Variants in ZFX observed in about 807,000 individuals in gnomAD.
ZFX encodes the protein zinc finger protein X-linked.
For synonymous variants in ZFX, 196 were observed against 226.8 expected, an observed-to-expected ratio of 0.86 and a Z score of 1.22; for missense variants, 362 against 628.3, an observed-to-expected ratio of 0.58 and a Z score of 4.53.
intron 3 of ZFX, among the ~76,000 whole-genome samples, chrX:24,169,475 T>C (rs1187313986): frequency 9.1e-6 from 1 of 110,142 alleles, no homozygotes; most frequent in East Asian, 2.8e-4. Flanking sequence ...CGTGTAGTTT[T>C]AGGGTTTCTA....
chrX:24,174,396 A>T (rs866348225), intron 4 of ZFX, among the ~76,000 whole-genome samples: 85 of 94,542 alleles, frequency 9.0e-4, no homozygotes, highest in African/African-American at 2.9e-3. Context: ...TTAAATTAAA[A>T]TTTTTTTTTT....
In ZFX at chrX:24,207,226, C is replaced by T. The variant is rs181929407; in HGVS notation, c.647-100C>T. The T allele has an allele frequency of 1.9e-3, 1,755 of 912,966 alleles. 27 individuals are homozygous for T. The African/African-American group carries it at 0.034, about 18-fold the overall frequency. 75.2% of individuals were successfully genotyped at this position (912,966 alleles called of 1,213,427 possible). A position where few individuals can be genotyped will look rare whatever the true frequency, so the allele number is the denominator to read the frequency against. On this transcript the variant is annotated intron_variant, in intron 5 of 9. Transcript: ENST00000304543. ...CACTCCAGCCTGGGTGACAGTGAGA[C>T]TCCGTCTCAAAAAAAAAAATTTTTT... is the stretch of plus-strand genomic sequence containing the variant.
At chrX:24,185,598 G>A (rs1168672055) in intron 5 of ZFX, among the ~76,000 whole-genome samples, 1 of 111,178 alleles carries the variant, frequency 9.0e-6, no homozygotes, top group Admixed American at 9.5e-5. Context: ...CTACAGGCGC[G>A]TGCCACCACG....
chrX:24,203,082 C>A (rs1368984287), intron 5 of ZFX, among the ~76,000 whole-genome samples: 1 of 111,535 alleles, frequency 9.0e-6, no homozygotes, highest in Non-Finnish European at 1.9e-5. Context: ...AAGAGAGATC[C>A]TTTTCCTCAT....
At chrX:24,162,111 C>A (rs994764955) in intron 3 of ZFX, among the ~76,000 whole-genome samples, 1 of 110,591 alleles carries the variant, frequency 9.0e-6, no homozygotes, top group Non-Finnish European at 1.9e-5. Flanking sequence ...GCCTGTAGTC[C>A]CAGCTACTTG....
At chrX:24,185,237 A>G (rs984319666) in intron 5 of ZFX, among the ~76,000 whole-genome samples, 1 of 111,090 alleles carries the variant, frequency 9.0e-6, no homozygotes, top group Non-Finnish European at 1.9e-5. Context: ...AATTTCTTCA[A>G]TTCAGGTGTG....
intron 3 of ZFX, among the ~76,000 whole-genome samples, chrX:24,160,831 T>G (rs752180763): frequency 3.6e-5 from 4 of 111,848 alleles, no homozygotes; most frequent in African/African-American, 1.3e-4. Flanking sequence ...TAGCTATAAT[T>G]TGTATCTGTT....
At chrX:24,165,411 G>A (rs1023497435) in intron 3 of ZFX, among the ~76,000 whole-genome samples, 2 of 112,629 alleles carry the variant, frequency 1.8e-5, no homozygotes, top group African/African-American at 6.4e-5. Flanking sequence ...GAGCCACCAC[G>A]CCCGGCCAGA....
At chrX:24,194,745 AATT>A (rs1936784109) in intron 5 of ZFX, among the ~76,000 whole-genome samples, 2 of 103,294 alleles carry the variant, frequency 1.9e-5, no homozygotes, top group Non-Finnish European at 2.0e-5. Context: ...TACAGTAAAA[AATT>A]TTTTTTTTTT....
At chrX:24,181,018 A>G (rs1195781736) in intron 5 of ZFX, among the ~76,000 whole-genome samples, 2 of 112,316 alleles carry the variant, frequency 1.8e-5, no homozygotes, top group South Asian at 3.6e-4. Flanking sequence ...GCCTTAAGGA[A>G]CTAAACTTAA....
chrX:24,201,191 A>G (rs1265652492), intron 5 of ZFX, among the ~76,000 whole-genome samples: 1 of 111,228 alleles, frequency 9.0e-6, no homozygotes, highest in African/African-American at 3.4e-5. Flanking sequence ...GTAACATTTC[A>G]TATTCAGAAT....
chrX:24,172,690 T>C, intron 3 of ZFX, 25 bp from the exon 4 acceptor site: 1 of 1,088,605 alleles, frequency 9.2e-7, no homozygotes, highest in Non-Finnish European at 1.2e-6. Context: ...CTAATGGCTT[T>C]GGTTTACTTT....
At chrX:24,170,866 C>T (rs1268616506) in intron 3 of ZFX, among the ~76,000 whole-genome samples, 1 of 111,468 alleles carries the variant, frequency 9.0e-6, no homozygotes, top group African/African-American at 3.3e-5. Context: ...CCCACCTCGG[C>T]CTCCCACGGT....
intron 5 of ZFX, among the ~76,000 whole-genome samples, chrX:24,196,205 C>T (rs758222951): frequency 2.7e-5 from 3 of 110,925 alleles, no homozygotes; most frequent in East Asian, 2.9e-4. Flanking sequence ...CTCTGCCTCC[C>T]GGGTTCAGGC....
At chrX:24,149,245 C>G (rs1931653126), upstream of ZFX, 2 of 109,988 alleles carry the variant, frequency 1.8e-5, no homozygotes. Flanking sequence ...AGGACCGGCG[C>G]GAGAGGCGGT....
chrX:24,171,720 T>TGTC (rs1934616225), intron 3 of ZFX, among the ~76,000 whole-genome samples: 1 of 111,539 alleles, frequency 9.0e-6, no homozygotes, highest in Non-Finnish European at 1.9e-5. Context: ...GCCATTGGAA[T>TGTC]GTCTTACAAG....
At chrX:24,196,432 A>G (rs1183862110) in intron 5 of ZFX, among the ~76,000 whole-genome samples, 1 of 111,816 alleles carries the variant, frequency 8.9e-6, no homozygotes, top group African/African-American at 3.3e-5. Flanking sequence ...ATGTTCTATA[A>G]CCATTAGCCT....
chrX:24,185,875 A>G (rs1255732057), intron 5 of ZFX, among the ~76,000 whole-genome samples: 2 of 109,932 alleles, frequency 1.8e-5, no homozygotes, highest in Non-Finnish European at 3.8e-5. Flanking sequence ...CAGAGGTTAC[A>G]GTGACCCTTG....
rs773999465 is a variant in ZFX at position 24,210,737 on chromosome X, G to A, written c.1779G>A (p.Thr593=). The change falls in exon 10 of 10, where the codon ACG becomes ACA. Residue 593 remains threonine, a synonymous_variant. Coordinates refer to ENST00000304543, the MANE Select transcript of ZFX (RefSeq NM_003410.4). ...CTGCAGACTCTTCTAACTTGAAAACGCATGTCAAAACTAAGCATAGTAAAG... is the reference window on the plus strand; with the variant it reads ...CTGCAGACTCTTCTAACTTGAAAACACATGTCAAAACTAAGCATAGTAAAG... The part of the protein sequence containing the change: ...YRSADSSNLK[T]HVKTKHSKEM... 5.8e-6 allele frequency: 7 copies of A among 1,211,433 alleles called. No homozygotes were observed. Among genetic ancestry groups the A allele is most frequent in the Non-Finnish European group, 7.8e-6 (7 of 895,488 alleles).
Sources: gnomAD v4.1 joint callset for allele counts (sites outside exome capture counted in the v4.1 genomes callset) on GRCh38, gnomAD v4.1.1 for gene constraint, MANE v1.5 for transcripts, NCBI Gene and HGNC (gene_info 2026-07-23, HGNC 2026-07-21) for gene names.